SCAF8: variants seen among roughly 807,000 people sequenced by gnomAD.
The protein encoded by SCAF8 is SR-related and CTD-associated factor 8.
SCAF8 carries 23 observed loss-of-function variants against 140.5 expected under a neutral mutation model. That is an observed-to-expected ratio of 0.16 (90% CI 0.12 to 0.23). The LOEUF is 0.23. SCAF8 is among the 10% of genes least tolerant of loss of function. The pLI is 1.00. For missense variants in SCAF8, 1,397 were observed against 1,555.7 expected (o/e 0.90, Z 1.72); for synonymous variants, 575 against 528.9 (o/e 1.09, Z -1.20).
chr6:154,823,560 A>C (rs1314894943), intron 16 of SCAF8, among the ~76,000 whole-genome samples: 2 of 152,214 alleles, frequency 1.3e-5, no homozygotes, highest in African/African-American at 4.8e-5. Context: ...GGTTATTATG[A>C]GCAAAAGCAG....
chr6:154,779,775 GTGTGTGTATATATATA>G (rs1777029657), intron 3 of SCAF8, among the ~76,000 whole-genome samples: 1 of 91,834 alleles, frequency 1.1e-5, no homozygotes, highest in Admixed American at 1.2e-4. Context: ...GTGTGTGTGT[GTGTGTGTATATATATA>G]TATATATATA....
chr6:154,745,684 G>C (rs1162882407), intron 1 of SCAF8, among the ~76,000 whole-genome samples: 3 of 152,208 alleles, frequency 2.0e-5, no homozygotes, highest in Admixed American at 6.5e-5. Context: ...ATACTTTGAT[G>C]CAAATACCTT....
At chr6:154,787,204 C>G (rs1193702238) in intron 3 of SCAF8, among the ~76,000 whole-genome samples, 2 of 152,150 alleles carry the variant, frequency 1.3e-5, no homozygotes, top group Non-Finnish European at 2.9e-5. Context: ...AAAAAACATA[C>G]AGGAATTAGC....
At chr6:154,806,136 T>C (rs1777906018) in intron 9 of SCAF8, among the ~76,000 whole-genome samples, 1 of 152,198 alleles carries the variant, frequency 6.6e-6, no homozygotes. Context: ...GCTAAGAATT[T>C]TAAAACATCG....
chr6:154,785,731 G>C (rs1414010648), intron 3 of SCAF8, among the ~76,000 whole-genome samples: 2 of 152,144 alleles, frequency 1.3e-5, no homozygotes, highest in Non-Finnish European at 2.9e-5. Context: ...AACTTACCTA[G>C]AAGGTTCTTT....
intron 2 of SCAF8, among the ~76,000 whole-genome samples, chr6:154,775,019 A>C (rs1244937452): frequency 2.6e-5 from 4 of 152,200 alleles, no homozygotes; most frequent in Non-Finnish European, 4.4e-5. Flanking sequence ...TCCTGCCCTG[A>C]ATTAAATTAT....
intron 14 of SCAF8, among the ~76,000 whole-genome samples, chr6:154,819,949 A>G (rs1259639582): frequency 6.6e-6 from 1 of 152,136 alleles, no homozygotes; most frequent in African/African-American, 2.4e-5. Context: ...TGATCATGCC[A>G]CTGCACTCCA....
intron 1 of SCAF8, among the ~76,000 whole-genome samples, chr6:154,752,150 G>A (rs1778853272): frequency 6.6e-6 from 1 of 152,228 alleles, no homozygotes; most frequent in East Asian, 1.9e-4. Flanking sequence ...AAGGTTCCTA[G>A]TCTCTAGAGG....
In SCAF8 at chr6:154,832,522, A is replaced by C. The variant is rs1259498878; in HGVS notation, c.2943A>C (p.Arg981Ser). The C allele has an allele frequency of 1.2e-6, 2 of 1,613,766 alleles. No homozygotes were observed. Among genetic ancestry groups the C allele is most frequent in the Admixed American group, 3.3e-5 (2 of 59,938 alleles). The change falls in exon 20 of 20, where the codon AGA (arginine) becomes AGC (serine). Residue 981 changes from arginine (R) to serine (S), a missense_variant. Around this residue, in one of 5 missense-constraint regions of SCAF8, gnomAD observed 930 missense variants for 874.6 expected, o/e 1.06. Transcript: ENST00000367178. The stretch of plus-strand genomic sequence containing the variant: ...GAGATATTTTTAGTCAACCAGAAAG[A>C]CCTTTTTTAGCTCCTGGAAGACAAA... ...PPGDIFSQPE[R>S]PFLAPGRQSV...
intron 1 of SCAF8, among the ~76,000 whole-genome samples, chr6:154,762,032 A>G (rs562172859): frequency 1.7e-3 from 261 of 152,322 alleles, no homozygotes; most frequent in African/African-American, 5.7e-3. Context: ...TTTAATTTCT[A>G]CTTTGAGTTA....
intron 13 of SCAF8, among the ~76,000 whole-genome samples, chr6:154,817,339 C>G (rs1778283357): frequency 6.6e-6 from 1 of 152,172 alleles, no homozygotes; most frequent in Non-Finnish European, 1.5e-5. Context: ...TGTAATCTTT[C>G]TTGTATCACG....
intron 3 of SCAF8, among the ~76,000 whole-genome samples, chr6:154,787,487 G>A (rs897642567): frequency 1.8e-4 from 28 of 152,226 alleles, no homozygotes; most frequent in African/African-American, 6.5e-4. Flanking sequence ...TCCAGATGAA[G>A]TCTGAGGCAT....
intron 3 of SCAF8, among the ~76,000 whole-genome samples, chr6:154,778,814 T>TA (rs1334866661): frequency 2.0e-5 from 3 of 149,472 alleles, no homozygotes; most frequent in Non-Finnish European, 3.0e-5. Context: ...TGTGTGTAGA[T>TA]AAAACATACT....
chr6:154,779,898 TTTCCCCCTGTGGTAACG>T (rs1437516274), intron 3 of SCAF8, among the ~76,000 whole-genome samples: 1 of 152,072 alleles, frequency 6.6e-6, no homozygotes, highest in Admixed American at 6.6e-5. Flanking sequence ...CCTCACTCAG[TTTCCCCCTGTGGTAACG>T]TTCTGTAGAA....
chr6:154,832,390 A>G lies in SCAF8; in HGVS notation c.2811A>G (p.Pro937=), dbSNP rs772955602. 6.2e-7 allele frequency: 1 copy of G among 1,614,156 alleles called. No individual in the cohort carries two copies. The highest frequency in any genetic ancestry group is 1.3e-5 in the African/African-American group (1 of 75,052). Residue 937 remains proline, a synonymous_variant, in exon 20 of 20, where the codon CCA becomes CCG. Coordinates refer to ENST00000367178, the MANE Select transcript of SCAF8 (RefSeq NM_014892.5). ...GACTAATACCACAGGCACCTGGGCC[A>G]AGATTCCCTTTAATACAGCCTGGAA... ...RPGLIPQAPG[P]RFPLIQPGIP...
At chr6:154,759,657 CATA>C (rs1350653479) in intron 1 of SCAF8, among the ~76,000 whole-genome samples, 1 of 142,474 alleles carries the variant, frequency 7.0e-6, no homozygotes, top group Non-Finnish European at 1.5e-5. Context: ...CTCCAGATGT[CATA>C]ATAATTTTTT....
chr6:154,805,225 C>CT (rs1172994039), intron 8 of SCAF8, 144 bp from the exon 9 acceptor site: 1 of 553,010 alleles, frequency 1.8e-6, no homozygotes, highest in Non-Finnish European at 3.3e-6. Flanking sequence ...AAGTATTCTA[C>CT]TTTAAGTATT....
At chr6:154,828,204 C>A (rs1442575747) in intron 18 of SCAF8, among the ~76,000 whole-genome samples, 1 of 152,128 alleles carries the variant, frequency 6.6e-6, no homozygotes, top group Non-Finnish European at 1.5e-5. Flanking sequence ...GAGTGGTGAT[C>A]TTTCTAAATG....
chr6:154,784,120 G>GAGATATATATATATATATATATAT (rs1362230678), intron 3 of SCAF8, among the ~76,000 whole-genome samples: 1 of 106,832 alleles, frequency 9.4e-6, no homozygotes, highest in African/African-American at 3.2e-5. Flanking sequence ...GGTGTCTTGA[G>GAGATATATATATATATATATATAT]ATATATATAT....
Sources: gnomAD v4.1 joint callset for allele counts (sites outside exome capture counted in the v4.1 genomes callset) on GRCh38, gnomAD v4.1.1 for gene constraint, gnomAD v4.1.1 regional missense constraint, MANE v1.5 for transcripts, NCBI Gene and HGNC (gene_info 2026-07-23, HGNC 2026-07-21) for gene names.